The following AMBP variants were observed in gnomAD, a reference collection of about 807,000 sequenced individuals.
The protein encoded by AMBP is protein AMBP.
A neutral mutation model predicts 46.3 loss-of-function variants in AMBP; 37 were observed. The observed-to-expected ratio is 0.80, with a 90% CI of 0.61 to 1.05. AMBP has a LOEUF of 1.05. Ranked by LOEUF, AMBP falls within the 50% of genes least tolerant of loss-of-function variation. AMBP has a pLI of 0.00. For missense variants in AMBP, 475 were observed against 461.2 expected (o/e 1.03, Z -0.27); for synonymous variants, 174 against 175.9 (o/e 0.99, Z 0.09).
chr9:114,069,937 A>G (rs1386135432), intron 5 of AMBP, 192 bp from the exon 6 acceptor site: 2 of 596,472 alleles, frequency 3.4e-6, no homozygotes, highest in South Asian at 4.2e-5. Context: ...TGGCTGCACC[A>G]TCATTACCAT....
chr9:114,060,130 C>T lies in AMBP; in HGVS notation c.*109G>A, dbSNP rs1846617484. The T allele has an allele frequency of 8.5e-7, 1 of 1,175,666 alleles. No individual in the cohort carries two copies. The highest frequency in any genetic ancestry group is 2.4e-5 in the Admixed American group (1 of 41,890). The allele number at this position is 1,175,666 out of a possible 1,614,324, so 72.8% of individuals were successfully genotyped here. On this transcript the variant is annotated 3_prime_UTR_variant, in exon 10 of 10. Coordinates refer to ENST00000265132, the MANE Select transcript of AMBP (RefSeq NM_001633.4). ...AATGAACAATGAGGACACAGAATTT[C>T]AGGAGTTTACAATTTAGTTTTTATT...
intron 3 of AMBP, 75 bp downstream of exon 3, chr9:114,074,885 G>T: frequency 1.5e-6 from 2 of 1,313,542 alleles, no homozygotes; most frequent in Non-Finnish European, 2.2e-6. Flanking sequence ...GGTTACAGAG[G>T]CAGAGGGAGC....
In AMBP at chr9:114,072,932, A is replaced by G. The variant is rs1846761351; in HGVS notation, c.549T>C (p.Ala183=). Residue 183 remains alanine (A), a synonymous_variant, in exon 5 of 10, where the codon GCT becomes GCC. Coordinates refer to ENST00000265132, the MANE Select transcript of AMBP (RefSeq NM_001633.4). ...GIPEDSIFTM[A]DRGECVPGEQ... ...CGGAGGGGTGCTATGTACCTCGGTC[A>G]GCCATGGTGAAGATGGAGTCCTCAG... 5 of 1,613,792 alleles carry G rather than the reference A, an allele frequency of 3.1e-6. No homozygotes were observed. The highest frequency in any genetic ancestry group is 4.2e-6 in the Non-Finnish European group (5 of 1,179,814).
chr9:114,078,103 T>C lies in AMBP; in HGVS notation c.107A>G (p.Asn36Ser), dbSNP rs749213583. The C allele has an allele frequency of 6.1e-5, 98 of 1,613,818 alleles. No homozygotes were observed. In the Middle Eastern group the frequency reaches 6.6e-4, roughly 11 times the overall value. ...PDNIQVQENF[N>S]ISRIYGKWYN... ...GAGCGGCAGCCTTACCCGAGAGATATTGAAGTTTTCCTGCACTTGGATGTT... is the reference window on the plus strand; with the variant it reads ...GAGCGGCAGCCTTACCCGAGAGATACTGAAGTTTTCCTGCACTTGGATGTT... Residue 36 changes from asparagine to serine, a missense_variant, in exon 1 of 10, where the codon AAT (asparagine) becomes AGT (serine). Transcript: ENST00000265132.
intron 6 of AMBP, 90 bp downstream of exon 6, chr9:114,069,609 C>G: frequency 7.7e-7 from 1 of 1,305,726 alleles, no homozygotes; most frequent in Non-Finnish European, 1.1e-6. Flanking sequence ...ATGACTCTGC[C>G]TCCCCCCGCA....
chr9:114,063,137 A>G (rs116829624), intron 6 of AMBP, among the ~76,000 whole-genome samples: 3,992 of 152,216 alleles, frequency 0.026, 168 homozygotes, highest in African/African-American at 0.092. Flanking sequence ...CACAGGTGCA[A>G]CTGGTTTACA....
chr9:114,078,100 A>ATC lies in AMBP; in HGVS notation c.109_110insGA (p.Ile37ArgfsTer21). The ATC allele has an allele frequency of 6.2e-7, 1 of 1,613,884 alleles. No homozygotes were observed. The highest frequency in any genetic ancestry group is 1.1e-5 in the South Asian group (1 of 91,062). On this transcript the variant is annotated frameshift_variant, in exon 1 of 10. Transcript: ENST00000265132. LOFTEE classifies it high-confidence loss of function. ...AGAGAGCGGCAGCCTTACCCGAGAG[A>ATC]TATTGAAGTTTTCCTGCACTTGGAT...
At chr9:114,071,480 C>A (rs750383505) in intron 5 of AMBP, among the ~76,000 whole-genome samples, 28 of 152,240 alleles carry the variant, frequency 1.8e-4, no homozygotes, top group Non-Finnish European at 3.7e-4. Flanking sequence ...CTGCAGGCGC[C>A]CCTTGGCATG....
chr9:114,072,018 G>A lies in AMBP; in HGVS notation c.556+907C>T, dbSNP rs199576879. Among the ~76,000 whole-genome samples the A allele has an allele frequency of 2.9e-4, 44 of 152,336 alleles. No homozygotes were observed. In the East Asian group the frequency reaches 8.5e-3, roughly 29 times the overall value. The stretch of plus-strand genomic sequence containing the variant: ...TCTCGCTCACCCTACATTTGTCTGT[G>A]TACCTCATTCTTTCTGGTCACAGGA... On this transcript the variant is annotated intron_variant, in intron 5 of 9. Coordinates refer to ENST00000265132, the MANE Select transcript of AMBP (RefSeq NM_001633.4).
chr9:114,076,615 C>A lies in AMBP; in HGVS notation c.243G>T (p.Met81Ile). 6.2e-7 allele frequency: 1 copy of A among 1,613,868 alleles called. No homozygotes were observed. Among genetic ancestry groups the A allele is most frequent in the South Asian group, 1.1e-5 (1 of 91,058 alleles). The change falls in exon 2 of 10, where the codon ATG becomes ATT. Residue 81 changes from methionine (M) to isoleucine (I), a missense_variant. This residue lies in a region of AMBP where 179 missense variants were observed against 167.4 expected (regional missense o/e 1.07). Coordinates refer to ENST00000265132, the MANE Select transcript of AMBP (RefSeq NM_001633.4). ...GTGCTCACCGCCAACGAGTGCTGGT[C>A]ATGCTGATCTCCGCCTCTGTAGCGC... ...GEGATEAEISMTSTRWRKGVC... is the reference protein window; with the variant it reads ...GEGATEAEISITSTRWRKGVC...
chr9:114,064,401 T>A (rs934544941), intron 6 of AMBP, among the ~76,000 whole-genome samples: 20 of 152,246 alleles, frequency 1.3e-4, no homozygotes, highest in Admixed American at 7.8e-4. Context: ...AACAATTTTT[T>A]TTAAAAAAAA....
chr9:114,072,858 G>T, intron 5 of AMBP, 67 bp downstream of exon 5: 1 of 1,448,594 alleles, frequency 6.9e-7, no homozygotes, highest in Non-Finnish European at 9.6e-7. Flanking sequence ...CAGGGGCTGG[G>T]ATGGTCTCTG....
In AMBP at chr9:114,062,667, T is replaced by C. The variant is rs1588487840; in HGVS notation, c.685+10A>G. On this transcript the variant is annotated intron_variant, in intron 7 of 9. Coordinates refer to ENST00000265132, the MANE Select transcript of AMBP (RefSeq NM_001633.4). ...ATGGCAGAGGGGGTGAAAAGGCAGG[T>C]GTTCATTACCTTCTTTCTTGGTGAC... 6.2e-7 allele frequency: 1 copy of C among 1,613,096 alleles called. No individual in the cohort carries two copies. The highest frequency in any genetic ancestry group is 2.2e-5 in the East Asian group (1 of 44,874).
chr9:114,075,968 G>C (rs1348904630), intron 2 of AMBP, among the ~76,000 whole-genome samples: 12 of 152,200 alleles, frequency 7.9e-5, no homozygotes, highest in African/African-American at 2.2e-4. Flanking sequence ...GTACATAGCA[G>C]AGTGTGTGGC....
At chr9:114,073,307 C>T (rs1201801543) in intron 4 of AMBP, among the ~76,000 whole-genome samples, 1 of 150,482 alleles carries the variant, frequency 6.6e-6, no homozygotes. Flanking sequence ...AGTGCAGTGG[C>T]GTGATCTCAG....
chr9:114,076,561 G>A, intron 2 of AMBP, 37 bp downstream of exon 2: 1 of 1,606,470 alleles, frequency 6.2e-7, no homozygotes, highest in South Asian at 1.1e-5. Flanking sequence ...GGGTCTCTGG[G>A]TCTCTCTCAG....
intron 7 of AMBP, among the ~76,000 whole-genome samples, chr9:114,061,874 C>T (rs1187900782): frequency 6.6e-6 from 1 of 152,016 alleles, no homozygotes; most frequent in African/African-American, 2.4e-5. Flanking sequence ...GTCTTGCCTG[C>T]CCCAAAACTC....
intron 1 of AMBP, 109 bp downstream of exon 1, chr9:114,077,984 C>A: frequency 1.9e-6 from 2 of 1,042,040 alleles, no homozygotes; most frequent in South Asian, 2.7e-5. Context: ...CCCAGATGAT[C>A]TGAGTGGAAG....
chr9:114,060,971 G>T lies in AMBP; in HGVS notation c.981C>A (p.Phe327Leu). ...YGGCQGNGNK[F>L]YSEKECREYC... ...ACTCTCTGCACTCCTTCTCTGAGTA[G>T]AACTTGTTCCCGTTGCCCTGGCAGC... is the stretch of plus-strand genomic sequence containing the variant. The change falls in exon 9 of 10, where the codon TTC becomes TTA. Residue 327 changes from phenylalanine to leucine, a missense_variant. This residue lies in a region of AMBP where 293 missense variants were observed against 276.9 expected (regional missense o/e 1.06). Coordinates refer to ENST00000265132, the MANE Select transcript of AMBP (RefSeq NM_001633.4). 1 of 1,614,264 alleles carries T rather than the reference G, an allele frequency of 6.2e-7. No individual in the cohort carries two copies. Among genetic ancestry groups the T allele is most frequent in the Non-Finnish European group, 8.5e-7 (1 of 1,180,046 alleles).
Sources: allele counts gnomAD v4.1 joint callset (sites outside exome capture counted in the v4.1 genomes callset), GRCh38; gene constraint gnomAD v4.1.1; regional missense constraint gnomAD v4.1.1; transcripts MANE v1.5; gene names NCBI Gene and HGNC (gene_info 2026-07-23, HGNC 2026-07-21).